TMEM132B: variants seen among roughly 807,000 people sequenced by gnomAD.
TMEM132B encodes the protein transmembrane protein 132B.
TMEM132B carries 18 observed loss-of-function variants against 90.8 expected under a neutral mutation model. The observed-to-expected ratio is 0.20, with a 90% CI of 0.14 to 0.29. The LOEUF is 0.29. TMEM132B is among the 10% of genes least tolerant of loss of function. The probability of loss-of-function intolerance (pLI) is 1.00; values close to 1 mark genes in which losing one functional copy is unlikely to be tolerated. For missense variants in TMEM132B, 1,096 were observed against 1,326.8 expected (o/e 0.83, Z 2.70); for synonymous variants, 504 against 523.3 (o/e 0.96, Z 0.50).
intron 1 of TMEM132B, among the ~76,000 whole-genome samples, chr12:125,321,040 C>T (rs1876413575): frequency 1.3e-5 from 2 of 152,196 alleles, no homozygotes; most frequent in African/African-American, 4.8e-5. Context: ...GCCCCAGGCT[C>T]CGCTGAAGGT....
chr12:125,549,571 C>T (rs1884170004), intron 4 of TMEM132B, among the ~76,000 whole-genome samples: 2 of 152,210 alleles, frequency 1.3e-5, no homozygotes, highest in South Asian at 2.1e-4. Context: ...TCACCGCTCT[C>T]TTGATTTAAA....
Position 125,213,064 on chromosome 12 carries a change from CCACTAGCGGT to C in TMEM132B, c.67+26203_67+26212del, listed in dbSNP as rs1330916745. Among the ~76,000 whole-genome samples the C allele has an allele frequency of 2.0e-5, 3 of 152,186 alleles. No individual in the cohort carries two copies. Among genetic ancestry groups the C allele is most frequent in the Non-Finnish European group, 2.9e-5 (2 of 68,040 alleles). ...ATCCTCCCAAATGGAAGTCCCGTAC[CCACTAGCGGT>C]CACTCCCTACTGCCTTCAACCCCTG... On this transcript the variant is annotated intron_variant, in intron 1 of 8. Transcript: ENST00000682704. The surrounding 1 kb of genome is among the most constrained non-coding windows in gnomAD (Gnocchi z 4.2).
chr12:125,466,819 C>A (rs1286809422), intron 3 of TMEM132B, among the ~76,000 whole-genome samples: 3 of 152,218 alleles, frequency 2.0e-5, no homozygotes, highest in Non-Finnish European at 4.4e-5. Flanking sequence ...GACAATGAGT[C>A]ATTGAGGGCT....
intron 1 of TMEM132B, among the ~76,000 whole-genome samples, chr12:125,191,313 C>G (rs1872782834): frequency 1.3e-5 from 2 of 152,024 alleles, no homozygotes; most frequent in Admixed American, 6.5e-5. Flanking sequence ...CCAGGCCTTT[C>G]CCTGCATGAA....
At position 125,658,423 on chromosome 12, in the gene TMEM132B, C is replaced by T. The variant is rs911442026; in HGVS notation, c.*3713C>T. 1.1e-4 allele frequency: 16 copies of T among 152,190 alleles called. No individual in the cohort carries two copies. Among genetic ancestry groups the T allele is most frequent in the South Asian group, 2.1e-4 (1 of 4,818 alleles). The allele number at this position is 152,190 out of a possible 1,614,324, so 9.4% of individuals were successfully genotyped here. On this transcript the variant is annotated 3_prime_UTR_variant, in exon 9 of 9. Transcript: ENST00000682704. ...CAGTCTCACAGCAAGGACCACAGAG[C>T]GTGGTTTCATCTGAACCCTACAAGT...
chr12:125,275,740 G>T (rs1205053828), intron 1 of TMEM132B, among the ~76,000 whole-genome samples: 8 of 152,072 alleles, frequency 5.3e-5, no homozygotes, highest in South Asian at 2.1e-4. Context: ...GGGAGACAGG[G>T]TCTCACTCTG....
rs182252521 is a variant in TMEM132B, at chr12:125,615,226, T to C, written c.1438-28850T>C. Among the ~76,000 whole-genome samples, 9 of 152,244 alleles carry C rather than the reference T, an allele frequency of 5.9e-5. No individual in the cohort carries two copies. In the East Asian group the frequency reaches 1.7e-3, roughly 29 times the overall value. ...CTAAAATTTTTATTAAATTTGGGGA[T>C]GTTTTCAATCATTATTTCTTCAAAT... On this transcript the variant is annotated intron_variant, in intron 5 of 8. Transcript: ENST00000682704.
chr12:125,503,068 C>A (rs765296102), intron 3 of TMEM132B, among the ~76,000 whole-genome samples: 1 of 152,186 alleles, frequency 6.6e-6, no homozygotes, highest in East Asian at 1.9e-4. Context: ...TAGGGTGCAT[C>A]GGCTGTCCAA....
At chr12:125,633,126 T>C (rs1011376000) in intron 5 of TMEM132B, among the ~76,000 whole-genome samples, 8 of 152,164 alleles carry the variant, frequency 5.3e-5, no homozygotes, top group Non-Finnish European at 8.8e-5. Context: ...AAATTTTGTC[T>C]CCTCTGGAGA....
In TMEM132B at chr12:125,187,218, C is replaced by T. The variant is rs141274647; in HGVS notation, c.67+352C>T. 7.1e-3 allele frequency among the ~76,000 whole-genome samples: 1,089 copies of T among 152,336 alleles called. 20 individuals carry two copies. Among genetic ancestry groups the T allele is most frequent in the African/African-American group, 0.025 (1,034 of 41,580 alleles). ...CCAAATCCCCCCCAGGTCCCAGTTC[C>T]TCCAGGGGTTTTGCTGGGCGGGGGC... On this transcript the variant is annotated intron_variant, in intron 1 of 8. Coordinates refer to ENST00000682704, the MANE Select transcript of TMEM132B (RefSeq NM_001366854.1).
At chr12:125,629,423 A>C (rs546750598) in intron 5 of TMEM132B, among the ~76,000 whole-genome samples, 17 of 151,746 alleles carry the variant, frequency 1.1e-4, no homozygotes, top group African/African-American at 3.4e-4. Flanking sequence ...TTATTTTTTA[A>C]ATTTCTTTTT....
At chr12:125,259,573 T>G (rs999296656) in intron 1 of TMEM132B, among the ~76,000 whole-genome samples, 1 of 152,228 alleles carries the variant, frequency 6.6e-6, no homozygotes, top group African/African-American at 2.4e-5. Flanking sequence ...TTCTCTTTCC[T>G]GGGTTTGAAA....
rs752083934 is a variant in TMEM132B at position 125,238,352 on chromosome 12, CA to C, written c.67+51498del. ...TGGGTTACAGAGCAAGACTCCGTCT[CA>C]AAAAAAAAAAACCAAAAAAAAAACA... is the stretch of plus-strand genomic sequence containing the variant. On this transcript the variant is annotated intron_variant, in intron 1 of 8. Coordinates refer to ENST00000682704, the MANE Select transcript of TMEM132B (RefSeq NM_001366854.1). 3.3e-3 allele frequency among the ~76,000 whole-genome samples: 144 copies of C among 43,900 alleles called. No homozygotes were observed. The East Asian group carries it at 0.055, about 17-fold the overall frequency. 28.8% of individuals were successfully genotyped at this position (43,900 alleles called of 152,430 possible).
chr12:125,414,901 A>G (rs894287066), intron 2 of TMEM132B, among the ~76,000 whole-genome samples: 1 of 151,674 alleles, frequency 6.6e-6, no homozygotes, highest in Admixed American at 6.6e-5. Context: ...CAGACTGTGA[A>G]CTCTCCTTGG....
At chr12:125,235,819 T>G (rs1873923354) in intron 1 of TMEM132B, among the ~76,000 whole-genome samples, 1 of 149,562 alleles carries the variant, frequency 6.7e-6, no homozygotes, top group South Asian at 2.2e-4. Flanking sequence ...TTTTTTTTTT[T>G]TTTGGAGAGA....
chr12:125,345,865 C>T (rs1270524159), intron 1 of TMEM132B, among the ~76,000 whole-genome samples: 4 of 152,108 alleles, frequency 2.6e-5, no homozygotes, highest in Admixed American at 6.5e-5. Flanking sequence ...GTTCAGAACG[C>T]GGGCCACACG....
chr12:125,280,185 T>G (rs1875118902), intron 1 of TMEM132B, among the ~76,000 whole-genome samples: 1 of 152,182 alleles, frequency 6.6e-6, no homozygotes, highest in Non-Finnish European at 1.5e-5. Flanking sequence ...AGTGCCTTCT[T>G]GGAAACTAGC....
intron 5 of TMEM132B, among the ~76,000 whole-genome samples, chr12:125,590,566 G>A (rs1245445298): frequency 1.3e-5 from 2 of 152,324 alleles, no homozygotes; most frequent in Non-Finnish European, 2.9e-5. Flanking sequence ...ACTTGGACCT[G>A]ATCCTATCCA....
intron 1 of TMEM132B, among the ~76,000 whole-genome samples, chr12:125,205,726 C>G (rs1873168064): frequency 6.6e-6 from 1 of 152,202 alleles, no homozygotes; most frequent in Non-Finnish European, 1.5e-5. Flanking sequence ...GTGAGTGTCT[C>G]AAGACAGAGC....
Sources: gnomAD v4.1 joint callset for allele counts (sites outside exome capture counted in the v4.1 genomes callset) on GRCh38, gnomAD v4.1.1 for gene constraint, Gnocchi (gnomAD v3.1) non-coding constraint, MANE v1.5 for transcripts, NCBI Gene and HGNC (gene_info 2026-07-23, HGNC 2026-07-21) for gene names.